Variants in SNRPN observed in about 807,000 individuals in gnomAD.
SNRPN encodes small nuclear ribonucleoprotein polypeptide N, also known as small nuclear ribonucleoprotein-associated protein N.
In SNRPN, 7 loss-of-function variants were observed where a neutral mutation model predicts 25.2. The ratio of observed to expected loss-of-function variants is 0.28; its 90% CI spans 0.16 to 0.52. The LOEUF (loss-of-function observed/expected upper bound fraction) is 0.52. Ranked by LOEUF, SNRPN falls within the 20% of genes least tolerant of loss-of-function variation. SNRPN has a pLI of 0.96. For missense variants in SNRPN, 196 were observed against 322.5 expected, an observed-to-expected ratio of 0.61 and a Z score of 3.00; for synonymous variants, 124 against 110.6, an observed-to-expected ratio of 1.12 and a Z score of -0.76.
chr15:24,855,697 C>T (rs1030704336), upstream of SNRPN, among the ~76,000 whole-genome samples: 2 of 146,958 alleles, frequency 1.4e-5, no homozygotes, highest in African/African-American at 5.0e-5. Flanking sequence ...GAAGCTGAGG[C>T]AGGAGAATTG....
At chr15:24,909,139 CT>C (rs752860164) in intron 2 of SNRPN, 23 of 1,356,904 alleles carry the variant, frequency 1.7e-5, no homozygotes, top group Non-Finnish European at 2.4e-5. Context: ...TTACCCTGTT[CT>C]TTATGTATTG....
chr15:24,978,614 G>C lies in SNRPN; in HGVS notation c.*170G>C. 1.5e-6 allele frequency: 1 copy of C among 663,498 alleles called. No homozygotes were observed. Among genetic ancestry groups the C allele is most frequent in the South Asian group, 1.8e-5 (1 of 54,060 alleles). The allele number at this position is 663,498 out of a possible 1,614,324, so 41.1% of individuals were successfully genotyped here. A position where few individuals can be genotyped will look rare whatever the true frequency, so the allele number is the denominator to read the frequency against. ...TGTTGTATATATTTTTTTGCCTGTT[G>C]ATTTTGATGAGATCTTAAGTTACTG... On this transcript the variant is annotated 3_prime_UTR_variant, in exon 10 of 10. Coordinates refer to ENST00000390687, the MANE Select transcript of SNRPN (RefSeq NM_003097.6).
chr15:24,882,823 C>CAAAAAAAAAAAAAAAAAAAAAAAAAAAAA (rs10543501), intron 1 of SNRPN, among the ~76,000 whole-genome samples: 2 of 127,158 alleles, frequency 1.6e-5, no homozygotes, highest in Non-Finnish European at 1.6e-5. Flanking sequence ...GACTCCATCT[C>CAAAAAAAAAAAAAAAAAAAAAAAAAAAAA]AAAAAAAAAA....
intron 2 of SNRPN, among the ~76,000 whole-genome samples, chr15:24,904,275 A>T (rs1172020491): frequency 6.6e-6 from 1 of 152,182 alleles, no homozygotes. Flanking sequence ...AGTTGGTGAG[A>T]ACCCTATTAG....
At chr15:24,921,942 T>G (rs11629775) in intron 3 of SNRPN, among the ~76,000 whole-genome samples, 61,332 of 150,818 alleles carry the variant, frequency 0.41, 12,618 homozygotes, top group South Asian at 0.48. Context: ...CTCACGCCTG[T>G]AATCCCAGCA....
At chr15:24,909,149 T>G in intron 2 of SNRPN, 1 of 1,365,456 alleles carries the variant, frequency 7.3e-7, no homozygotes, top group Non-Finnish European at 1.0e-6. Context: ...CTTTATGTAT[T>G]GAGAGAACTG....
intron 1 of SNRPN, among the ~76,000 whole-genome samples, chr15:24,879,353 C>T (rs1286261855): frequency 1.3e-5 from 2 of 151,700 alleles, no homozygotes; most frequent in Admixed American, 6.6e-5. Flanking sequence ...AGGAGAATTG[C>T]TTGAACCTGG....
At chr15:24,923,574 C>A (rs957774232) in intron 3 of SNRPN, among the ~76,000 whole-genome samples, 3 of 152,180 alleles carry the variant, frequency 2.0e-5, no homozygotes, top group Non-Finnish European at 4.4e-5. Flanking sequence ...GGAAATAAAG[C>A]AGAGTGGGTA....
chr15:24,962,348 G>A, intron 2 of SNRPN, 139 bp downstream of exon 2: 2 of 733,262 alleles, frequency 2.7e-6, no homozygotes, highest in Non-Finnish European at 4.7e-6. Context: ...TAGTAAAAAA[G>A]CAATGAAATT....
At chr15:24,978,342 A>G (rs773418264) in intron 9 of SNRPN, 24 bp downstream of exon 9, 30 of 1,613,846 alleles carry the variant, frequency 1.9e-5, no homozygotes, top group Non-Finnish European at 2.2e-5. Flanking sequence ...TAGGGGTTTG[A>G]TGGTTCAGCC....
At chr15:24,834,909 G>A (rs1416205391) in intron 2 of SNRPN, among the ~76,000 whole-genome samples, 10 of 125,414 alleles carry the variant, frequency 8.0e-5, no homozygotes, top group African/African-American at 2.7e-4. Flanking sequence ...GGGCAACAGA[G>A]CGAGACTCCA....
chr15:24,950,457 G>A (rs554856856), upstream of SNRPN, among the ~76,000 whole-genome samples: 45 of 151,490 alleles, frequency 3.0e-4, no homozygotes, highest in Non-Finnish European at 5.6e-4. Flanking sequence ...TTACAGTCAT[G>A]AGCCACCACC....
At chr15:24,940,471 C>G (rs552138273) in intron 3 of SNRPN, among the ~76,000 whole-genome samples, 1 of 152,276 alleles carries the variant, frequency 6.6e-6, no homozygotes, top group East Asian at 1.9e-4. Flanking sequence ...TGTCCTTTCC[C>G]CATTGAAGGT....
intron 1 of SNRPN, among the ~76,000 whole-genome samples, chr15:24,881,142 A>G (rs1024960748): frequency 1.3e-5 from 2 of 152,152 alleles, no homozygotes; most frequent in Non-Finnish European, 2.9e-5. Context: ...AAGCATAGAA[A>G]GGTACTGCTG....
intron 2 of SNRPN, among the ~76,000 whole-genome samples, chr15:24,897,044 T>G (rs2058120804): frequency 6.6e-6 from 1 of 151,884 alleles, no homozygotes. Context: ...TCCTAGCTGC[T>G]CAGGAGGCTG....
intron 3 of SNRPN, among the ~76,000 whole-genome samples, chr15:24,936,031 C>T (rs755644454): frequency 1.1e-4 from 16 of 152,066 alleles, no homozygotes; most frequent in Non-Finnish European, 1.9e-4. Flanking sequence ...AGGAGAATCA[C>T]TTGAACCCAG....
chr15:24,938,373 C>A (rs1201826058), intron 3 of SNRPN, among the ~76,000 whole-genome samples: 2 of 152,110 alleles, frequency 1.3e-5, no homozygotes, highest in East Asian at 3.9e-4. Context: ...AGTGATCCAC[C>A]CACCTTGGCC....
intron 3 of SNRPN, 69 bp from the exon 4 acceptor site, chr15:24,974,242 T>C (rs915034011): frequency 3.4e-6 from 2 of 584,166 alleles, no homozygotes; most frequent in Non-Finnish European, 6.2e-6. Flanking sequence ...GTGATTTTCA[T>C]GCAAAATTGT....
chr15:24,929,910 A>G lies in SNRPN; in HGVS notation c.-391+9786A>G, dbSNP rs183698084. The stretch of plus-strand genomic sequence containing the variant: ...ATTATGTATCAATAAAAAAATGGCC[A>G]GGCACGGTGGCTCACACCTATAATC... On this transcript the variant is annotated intron_variant, in intron 3 of 11. Transcript: ENST00000400097. The surrounding 1 kb of genome is among the most constrained non-coding windows in gnomAD (Gnocchi z 5.3). 2.2e-4 allele frequency among the ~76,000 whole-genome samples: 33 copies of G among 152,248 alleles called. No individual in the cohort carries two copies. Among genetic ancestry groups the G allele is most frequent in the East Asian group, 1.7e-3 (9 of 5,162 alleles).
Sources: allele counts gnomAD v4.1 joint callset (sites outside exome capture counted in the v4.1 genomes callset), GRCh38; gene constraint gnomAD v4.1.1; non-coding constraint Gnocchi (gnomAD v3.1); transcripts MANE v1.5; gene names NCBI Gene and HGNC (gene_info 2026-07-23, HGNC 2026-07-21).